Variants in SCARB2 observed in about 807,000 individuals in gnomAD.
The protein encoded by SCARB2 is lysosome membrane protein 2.
SCARB2 carries 29 observed loss-of-function variants against 58.6 expected under a neutral mutation model. The observed-to-expected ratio is 0.49, with a 90% CI of 0.37 to 0.67. SCARB2 has a LOEUF of 0.67. Ranked by LOEUF, SCARB2 falls within the 30% of genes least tolerant of loss-of-function variation. The pLI, the probability that SCARB2 is intolerant of heterozygous loss-of-function variation, is 0.00. For missense variants in SCARB2, 488 were observed against 578.5 expected, an observed-to-expected ratio of 0.84 and a Z score of 1.60; for synonymous variants, 195 against 210.1, an observed-to-expected ratio of 0.93 and a Z score of 0.62.
chr4:76,161,986 T>C (rs558130146), intron 11 of SCARB2: 13 of 585,350 alleles, frequency 2.2e-5, no homozygotes, highest in South Asian at 2.0e-4. Flanking sequence ...GCAGTACCCT[T>C]CTCTGTGTTG....
intron 1 of SCARB2, among the ~76,000 whole-genome samples, chr4:76,210,981 A>G (rs1307237220): frequency 6.6e-6 from 1 of 152,262 alleles, no homozygotes; most frequent in Non-Finnish European, 1.5e-5. Flanking sequence ...AGATTATATT[A>G]TAACTACATT....
chr4:76,194,231 C>A (rs1441600321), intron 2 of SCARB2: 1 of 152,246 alleles, frequency 6.6e-6, no homozygotes, highest in Non-Finnish European at 1.5e-5. Flanking sequence ...GCCAATTAAA[C>A]CTCTTTTCTT....
At chr4:76,177,650 A>G (rs551952530) in intron 4 of SCARB2, among the ~76,000 whole-genome samples, 2 of 152,276 alleles carry the variant, frequency 1.3e-5, no homozygotes, top group South Asian at 4.1e-4. Flanking sequence ...ATAAATGGAT[A>G]AGCAAAATGT....
rs537068924 is a variant in SCARB2, at chr4:76,166,116, T to C, written c.1239+134A>G. 10 of 887,848 alleles carry C rather than the reference T, an allele frequency of 1.1e-5. No homozygotes were observed. The African/African-American group carries it at 1.1e-4, about 10-fold the overall frequency. The allele number at this position is 887,848 out of a possible 1,614,324, so 55.0% of individuals were successfully genotyped here. On this transcript the variant is annotated intron_variant, in intron 10 of 11. Transcript: ENST00000264896. ...ATTCATGTGAACATTTAAGTGAAAT[T>C]TTCTGAGGAATAACAGGTTTTAAAA...
chr4:76,210,553 G>A (rs1733023867), intron 1 of SCARB2, among the ~76,000 whole-genome samples: 2 of 152,210 alleles, frequency 1.3e-5, no homozygotes, highest in Admixed American at 6.5e-5. Context: ...AGGCCCAAAC[G>A]CTTGTAAGGA....
At chr4:76,169,782 A>G in intron 8 of SCARB2, 85 bp downstream of exon 8, 1 of 1,124,154 alleles carries the variant, frequency 8.9e-7, no homozygotes, top group Non-Finnish European at 1.4e-6. Flanking sequence ...GGATATTTTT[A>G]AAGAAGGCTC....
intron 1 of SCARB2, among the ~76,000 whole-genome samples, chr4:76,231,454 T>G (rs1459683113): frequency 1.3e-5 from 2 of 152,126 alleles, no homozygotes; most frequent in Non-Finnish European, 2.9e-5. Flanking sequence ...AACTAGTGAG[T>G]TTAGAATTTA....
At chr4:76,174,113 C>A in intron 7 of SCARB2, 31 bp downstream of exon 7, 1 of 1,612,296 alleles carries the variant, frequency 6.2e-7, no homozygotes, top group Non-Finnish European at 8.5e-7. Context: ...ATTCTTGACA[C>A]CCCTATCATG....
chr4:76,217,479 G>C (rs1733228085), upstream of SCARB2: 2 of 408,592 alleles, frequency 4.9e-6, no homozygotes, highest in East Asian at 7.0e-5. Context: ...AGTTGTCAGA[G>C]AGCGGGTTGT....
At chr4:76,177,273 A>G (rs1248317689) in intron 4 of SCARB2, 7 of 152,052 alleles carry the variant, frequency 4.6e-5, no homozygotes, top group Admixed American at 4.6e-4. Flanking sequence ...CAGCATCATT[A>G]GTCATTAGGG....
intron 1 of SCARB2, among the ~76,000 whole-genome samples, chr4:76,210,443 T>C (rs1213926482): frequency 6.6e-6 from 1 of 152,190 alleles, no homozygotes; most frequent in Non-Finnish European, 1.5e-5. Context: ...TCAAGGCAGT[T>C]CACTGGGATA....
intron 7 of SCARB2, among the ~76,000 whole-genome samples, chr4:76,170,712 G>A (rs765188286): frequency 3.8e-4 from 57 of 151,750 alleles, no homozygotes; most frequent in African/African-American, 1.4e-3. Flanking sequence ...TAGAGACAGC[G>A]TTTCACCATG....
At chr4:76,208,416 T>C (rs1732971942) in intron 1 of SCARB2, among the ~76,000 whole-genome samples, 1 of 152,266 alleles carries the variant, frequency 6.6e-6, no homozygotes, top group Non-Finnish European at 1.5e-5. Context: ...TTTACAGTGC[T>C]ATAGTTTCTT....
chr4:76,196,844 C>T (rs1440790608), intron 1 of SCARB2, among the ~76,000 whole-genome samples: 4 of 152,136 alleles, frequency 2.6e-5, no homozygotes, highest in Non-Finnish European at 5.9e-5. Context: ...ATGAATAATG[C>T]CCCCCATACT....
In SCARB2 at chr4:76,233,261, G is replaced by T. The variant is rs912627667; in HGVS notation, c.-358+1042C>A. On this transcript the variant is annotated intron_variant, in intron 1 of 11. Coordinates refer to the SCARB2 transcript ENST00000638295. ...TTTTGCCTTCTTAATTAAGGGTGTG[G>T]TTAGTTCCATGTGTCCCCAGGCCTT... Among the ~76,000 whole-genome samples, 3 of 148,776 alleles carry T rather than the reference G, an allele frequency of 2.0e-5. No individual in the cohort carries two copies. The South Asian group carries it at 6.6e-4, about 33-fold the overall frequency.
intron 7 of SCARB2, among the ~76,000 whole-genome samples, chr4:76,171,863 T>A (rs557922960): frequency 6.6e-6 from 1 of 152,072 alleles, no homozygotes; most frequent in African/African-American, 2.4e-5. Context: ...CTAGACGCCA[T>A]CTTTATGGAA....
At chr4:76,198,093 A>C (rs935109204) in intron 1 of SCARB2, among the ~76,000 whole-genome samples, 1 of 151,952 alleles carries the variant, frequency 6.6e-6, no homozygotes, top group Admixed American at 6.5e-5. Context: ...AGCCGCCCCC[A>C]CTCTCGACTC....
At chr4:76,195,032 G>A (rs1398363740) in intron 2 of SCARB2, 8 of 152,156 alleles carry the variant, frequency 5.3e-5, no homozygotes, top group Non-Finnish European at 8.8e-5. Flanking sequence ...AACTAGTTAT[G>A]TGGGGAATGG....
chr4:76,213,158 G>A, intron 1 of SCARB2: 2 of 459,348 alleles, frequency 4.4e-6, no homozygotes, highest in Admixed American at 6.8e-5. Context: ...AGTGGGGAGA[G>A]ATGCAAACGA....
Sources: allele counts gnomAD v4.1 joint callset (sites outside exome capture counted in the v4.1 genomes callset), GRCh38; gene constraint gnomAD v4.1.1; transcripts MANE v1.5; gene names NCBI Gene and HGNC (gene_info 2026-07-23, HGNC 2026-07-21).